Variants in RERE observed in about 807,000 individuals in gnomAD.
RERE encodes the protein arginine-glutamic acid dipeptide repeats.
Under a neutral mutation model 146.1 loss-of-function variants are expected in RERE, and 40 were observed. The observed-to-expected ratio is 0.27, with a 90% CI of 0.21 to 0.36. The LOEUF (loss-of-function observed/expected upper bound fraction) is 0.36. RERE is among the 10% of genes least tolerant of loss of function. The pLI is 1.00. For synonymous variants in RERE, 1,003 were observed against 866.0 expected (o/e 1.16, Z -2.78); for missense variants, 1,933 against 2,138.7 (o/e 0.90, Z 1.90).
chr1:8,493,898 G>A (rs1264959600), intron 10 of RERE, among the ~76,000 whole-genome samples: 2 of 152,108 alleles, frequency 1.3e-5, no homozygotes, highest in African/African-American at 4.8e-5. Flanking sequence ...TTTCACATTA[G>A]TAATGATAGA....
intron 1 of RERE, among the ~76,000 whole-genome samples, chr1:8,816,880 G>A (rs1307637275): frequency 6.6e-6 from 1 of 152,116 alleles, no homozygotes; most frequent in African/African-American, 2.4e-5. Flanking sequence ...GTAGTCACAT[G>A]AAATAGTTTA....
In RERE at chr1:8,361,461, T is replaced by C. The variant is rs1456788281; in HGVS notation, c.2046A>G (p.Glu682=). The C allele has an allele frequency of 7.4e-6, 12 of 1,612,742 alleles. No homozygotes were observed. The highest frequency in any genetic ancestry group is 1.0e-5 in the Non-Finnish European group (12 of 1,179,968). ...QEISRPNSPS[E]GEGESSDSRS... ...GACTGTCTGAACTCTCTCCCTCACC[T>C]TCAGATGGCGAGTTGGGCCTGCTGA... Residue 682 remains glutamate, a synonymous_variant, in exon 18 of 23, where the codon GAA becomes GAG. Coordinates refer to ENST00000400908, the MANE Select transcript of RERE (RefSeq NM_001042681.2).
At chr1:8,539,936 T>C (rs535457736) in intron 7 of RERE, among the ~76,000 whole-genome samples, 33 of 152,248 alleles carry the variant, frequency 2.2e-4, no homozygotes, top group African/African-American at 6.5e-4. Context: ...TACCCCTACG[T>C]TGACTACTCA....
At chr1:8,738,014 A>G (rs1640234373) in intron 1 of RERE, among the ~76,000 whole-genome samples, 1 of 152,222 alleles carries the variant, frequency 6.6e-6, no homozygotes, top group South Asian at 2.1e-4. Context: ...ATAAACAGCT[A>G]TTCAGAAAGT....
chr1:8,458,611 A>G (rs1644484241), intron 11 of RERE, among the ~76,000 whole-genome samples: 1 of 152,234 alleles, frequency 6.6e-6, no homozygotes, highest in Non-Finnish European at 1.5e-5. Context: ...ACACGGCCCT[A>G]AAGAACAGCA....
At chr1:8,492,712 C>A (rs1178237542) in intron 10 of RERE, among the ~76,000 whole-genome samples, 1 of 152,112 alleles carries the variant, frequency 6.6e-6, no homozygotes, top group Non-Finnish European at 1.5e-5. Context: ...CCAGCCTGGG[C>A]AATACAGTGG....
chr1:8,735,463 T>C (rs996996901), intron 1 of RERE, among the ~76,000 whole-genome samples: 15 of 152,230 alleles, frequency 9.9e-5, no homozygotes, highest in Non-Finnish European at 1.8e-4. Context: ...GTATACTTCA[T>C]ATAGCCTTCT....
chr1:8,713,647 C>A (rs1458148420), intron 1 of RERE, among the ~76,000 whole-genome samples: 3 of 151,936 alleles, frequency 2.0e-5, no homozygotes, highest in African/African-American at 7.3e-5. Flanking sequence ...GGCAGAAGAA[C>A]CACTTGAACC....
chr1:8,750,822 T>C (rs941624563), intron 1 of RERE: 3 of 821,176 alleles, frequency 3.7e-6, no homozygotes, highest in African/African-American at 3.3e-5. Context: ...TCAATTAACA[T>C]GCTGAGGATT....
At chr1:8,529,620 C>G (rs1267043647) in intron 7 of RERE, among the ~76,000 whole-genome samples, 1 of 151,990 alleles carries the variant, frequency 6.6e-6, no homozygotes, top group East Asian at 1.9e-4. Flanking sequence ...GCTCTCATGG[C>G]ATCTGGAGAG....
chr1:8,523,646 A>G (rs1452758879), intron 7 of RERE, among the ~76,000 whole-genome samples: 1 of 138,168 alleles, frequency 7.2e-6, no homozygotes, highest in African/African-American at 2.8e-5. Flanking sequence ...ATAATATAGA[A>G]GAAATACATA....
intron 4 of RERE, among the ~76,000 whole-genome samples, chr1:8,605,962 A>C (rs1259617534): frequency 8.1e-5 from 12 of 148,712 alleles, no homozygotes; most frequent in African/African-American, 2.7e-4. Flanking sequence ...CTCCCACCTC[A>C]GCCCTAAAAG....
At chr1:8,403,433 CTTT>C (rs70990565) in intron 12 of RERE, among the ~76,000 whole-genome samples, 3 of 137,320 alleles carry the variant, frequency 2.2e-5, no homozygotes, top group African/African-American at 5.4e-5. Context: ...TTCATATTTT[CTTT>C]TTTTTTTTTT....
At chr1:8,650,246 C>G (rs1036067511) in intron 2 of RERE, among the ~76,000 whole-genome samples, 1 of 152,124 alleles carries the variant, frequency 6.6e-6, no homozygotes, top group Non-Finnish European at 1.5e-5. Flanking sequence ...CTTCTAAACA[C>G]TAAACAATTT....
intron 2 of RERE, among the ~76,000 whole-genome samples, chr1:8,647,041 A>C (rs6690050): frequency 6.6e-6 from 1 of 152,144 alleles, no homozygotes; most frequent in Non-Finnish European, 1.5e-5. Flanking sequence ...AGCAATGATC[A>C]TGCCATAGCA....
At chr1:8,540,821 C>A (rs1161590434) in intron 7 of RERE, among the ~76,000 whole-genome samples, 1 of 152,172 alleles carries the variant, frequency 6.6e-6, no homozygotes, top group Non-Finnish European at 1.5e-5. Flanking sequence ...AACCAACAAA[C>A]TTTCCAAAAT....
intron 1 of RERE, among the ~76,000 whole-genome samples, chr1:8,743,447 T>A (rs1044803941): frequency 8.4e-6 from 1 of 119,444 alleles, no homozygotes; most frequent in African/African-American, 3.2e-5. Flanking sequence ...TTTTTTTTTT[T>A]AGTAGAGACG....
intron 4 of RERE, among the ~76,000 whole-genome samples, chr1:8,594,801 G>T (rs968258184): frequency 1.3e-5 from 2 of 152,186 alleles, no homozygotes; most frequent in Admixed American, 6.5e-5. Flanking sequence ...TGGTAAAGAA[G>T]GTTGGCAGAG....
chr1:8,414,560 T>C (rs1643710112), intron 12 of RERE, among the ~76,000 whole-genome samples: 1 of 151,158 alleles, frequency 6.6e-6, no homozygotes, highest in South Asian at 2.1e-4. Flanking sequence ...CGTCTCTAAA[T>C]AAATAAATAA....
Sources: allele counts gnomAD v4.1 joint callset (sites outside exome capture counted in the v4.1 genomes callset), GRCh38; gene constraint gnomAD v4.1.1; transcripts MANE v1.5; gene names NCBI Gene and HGNC (gene_info 2026-07-23, HGNC 2026-07-21).